The following HDAC9 variants were observed in gnomAD, a reference collection of about 807,000 sequenced individuals.
HDAC9 encodes the protein histone deacetylase 9.
A neutral mutation model predicts 139.4 loss-of-function variants in HDAC9; 41 were observed. The observed-to-expected ratio is 0.29, with a 90% CI of 0.23 to 0.38. HDAC9 has a LOEUF of 0.38. Ranked by LOEUF, HDAC9 falls within the 10% of genes least tolerant of loss-of-function variation. The probability of loss-of-function intolerance (pLI) is 1.00; values close to 1 mark genes in which losing one functional copy is unlikely to be tolerated. For synonymous variants in HDAC9, 517 were observed against 476.2 expected, an observed-to-expected ratio of 1.09 and a Z score of -1.12; for missense variants, 1,147 against 1,297.0, an observed-to-expected ratio of 0.88 and a Z score of 1.78.
chr7:18,201,538 C>A (rs1438878696), intron 2 of HDAC9, among the ~76,000 whole-genome samples: 2 of 152,216 alleles, frequency 1.3e-5, no homozygotes, highest in African/African-American at 4.8e-5. Context: ...CCCTCATCTG[C>A]AGGGCCCACC....
intron 12 of HDAC9, among the ~76,000 whole-genome samples, chr7:18,715,037 A>C (rs1333938386): frequency 1.3e-5 from 2 of 152,194 alleles, no homozygotes; most frequent in African/African-American, 2.4e-5. Flanking sequence ...CTTTTCAAAA[A>C]CCAAAGTATT....
chr7:18,282,356 T>G (rs924041295), intron 2 of HDAC9, among the ~76,000 whole-genome samples: 2 of 152,200 alleles, frequency 1.3e-5, no homozygotes, highest in Admixed American at 1.3e-4. Context: ...TAAGATTATA[T>G]AGTTAGTAAA....
chr7:18,945,783 A>G (rs766182750), intron 23 of HDAC9, among the ~76,000 whole-genome samples: 1 of 151,890 alleles, frequency 6.6e-6, no homozygotes, highest in Non-Finnish European at 1.5e-5. Flanking sequence ...TCATGCCTGT[A>G]ATCCCAGCAC....
intron 6 of HDAC9, among the ~76,000 whole-genome samples, chr7:18,627,000 C>T (rs1841889824): frequency 1.3e-5 from 2 of 152,278 alleles, no homozygotes; most frequent in East Asian, 1.9e-4. Flanking sequence ...AACTAGCCTT[C>T]AGAAATAGTA....
At chr7:18,478,254 G>A (rs1321220575) in intron 1 of HDAC9, among the ~76,000 whole-genome samples, 3 of 152,064 alleles carry the variant, frequency 2.0e-5, no homozygotes, top group Admixed American at 1.3e-4. Flanking sequence ...TGTATTTTTA[G>A]TAGAGATGGG....
chr7:18,135,375 A>G (rs901141820), intron 1 of HDAC9, among the ~76,000 whole-genome samples: 3 of 143,592 alleles, frequency 2.1e-5, no homozygotes, highest in Non-Finnish European at 3.0e-5. Context: ...ATATGTATAC[A>G]TGTGCCATGC....
intron 7 of HDAC9, among the ~76,000 whole-genome samples, chr7:18,630,984 A>G (rs148708695): frequency 7.6e-4 from 115 of 152,204 alleles, no homozygotes; most frequent in African/African-American, 2.3e-3. Context: ...ATGCTATTTT[A>G]TTTTGCTTCA....
intron 21 of HDAC9, among the ~76,000 whole-genome samples, chr7:18,850,138 T>C (rs1243423940): frequency 2.0e-5 from 3 of 149,156 alleles, no homozygotes; most frequent in Non-Finnish European, 4.4e-5. Context: ...ATTATTTACA[T>C]GGAAGCATTC....
chr7:18,495,337 T>G (rs977272234), upstream of HDAC9, among the ~76,000 whole-genome samples: 1 of 152,132 alleles, frequency 6.6e-6, no homozygotes, highest in Non-Finnish European at 1.5e-5. Flanking sequence ...CTCCTCTCTC[T>G]TCCAAAAACA....
At chr7:18,753,665 T>C (rs1037959254) in intron 14 of HDAC9, among the ~76,000 whole-genome samples, 3 of 152,112 alleles carry the variant, frequency 2.0e-5, no homozygotes, top group Non-Finnish European at 2.9e-5. Context: ...ACTCAAACTT[T>C]TGGTTTATGT....
At position 18,990,804 on chromosome 7, in the gene HDAC9, T is replaced by C. The variant is rs188944319; in HGVS notation, c.3171-5219T>C. 1.6e-4 allele frequency among the ~76,000 whole-genome samples: 24 copies of C among 152,372 alleles called. 1 individual carries two copies. The highest frequency in any genetic ancestry group is 5.8e-4 in the African/African-American group (24 of 41,594). On this transcript the variant is annotated intron_variant, in intron 25 of 25. Transcript: ENST00000686413. ...GCGCAGTATTTGGGTGGGAGTGACCTGATTTTCCAGGTGCCGTCTGTCACC... is the reference window on the plus strand; with the variant it reads ...GCGCAGTATTTGGGTGGGAGTGACCCGATTTTCCAGGTGCCGTCTGTCACC...
At chr7:18,886,967 G>A (rs895116222) in intron 22 of HDAC9, among the ~76,000 whole-genome samples, 3 of 152,174 alleles carry the variant, frequency 2.0e-5, no homozygotes, top group Admixed American at 1.3e-4. Flanking sequence ...ATACGGAAAA[G>A]AATCAGTTGG....
intron 2 of HDAC9, among the ~76,000 whole-genome samples, chr7:18,273,055 C>CTTTT (rs1491175072): frequency 2.9e-4 from 20 of 68,224 alleles, no homozygotes; most frequent in Non-Finnish European, 4.5e-4. Context: ...TCCCCTTCTT[C>CTTTT]GTTTTTTTTT....
At chr7:18,270,844 A>G (rs1200874222) in intron 2 of HDAC9, among the ~76,000 whole-genome samples, 1 of 152,194 alleles carries the variant, frequency 6.6e-6, no homozygotes, top group Non-Finnish European at 1.5e-5. Flanking sequence ...ATTTTATATC[A>G]TCATTGGAAA....
intron 1 of HDAC9, among the ~76,000 whole-genome samples, chr7:18,446,745 A>T (rs1225165960): frequency 1.3e-5 from 2 of 152,094 alleles, no homozygotes; most frequent in Non-Finnish European, 2.9e-5. Context: ...AGAACAACAT[A>T]TATTTTCCTG....
intron 15 of HDAC9, among the ~76,000 whole-genome samples, chr7:18,762,908 T>G (rs980925826): frequency 2.6e-5 from 4 of 152,146 alleles, no homozygotes; most frequent in Admixed American, 2.6e-4. Flanking sequence ...GAACTTTATA[T>G]AAGCTTTATA....
At chr7:18,224,098 T>A (rs1792890404) in intron 2 of HDAC9, among the ~76,000 whole-genome samples, 1 of 152,182 alleles carries the variant, frequency 6.6e-6, no homozygotes, top group East Asian at 1.9e-4. Context: ...TATTCCTGGG[T>A]TAAATTTTGA....
intron 1 of HDAC9, among the ~76,000 whole-genome samples, chr7:18,432,000 G>A (rs1220555580): frequency 1.3e-5 from 2 of 152,104 alleles, no homozygotes; most frequent in Non-Finnish European, 2.9e-5. Context: ...ACATCCTTCT[G>A]GGCAAGTACT....
chr7:18,497,353 G>A (rs1213000587), intron 2 of HDAC9, among the ~76,000 whole-genome samples: 1 of 152,102 alleles, frequency 6.6e-6, no homozygotes, highest in Non-Finnish European at 1.5e-5. Context: ...AGAGCTAGGT[G>A]TGAAAGAAAT....
Sources: allele counts gnomAD v4.1 joint callset (sites outside exome capture counted in the v4.1 genomes callset), GRCh38; gene constraint gnomAD v4.1.1; transcripts MANE v1.5; gene names NCBI Gene and HGNC (gene_info 2026-07-23, HGNC 2026-07-21).